Variants in FBXL13 observed in about 807,000 individuals in gnomAD.
FBXL13 encodes the protein F-box and leucine rich repeat protein 13, also known as F-box and leucine-rich repeat protein 13.
A neutral mutation model predicts 83.6 loss-of-function variants in FBXL13; 67 were observed. The ratio of observed to expected loss-of-function variants is 0.80; its 90% confidence interval spans 0.66 to 0.98. The LOEUF (loss-of-function observed/expected upper bound fraction) is 0.98, where lower values mean the gene tolerates loss of function less well. Among genes scored for constraint, FBXL13 ranks in the 50% least tolerant of loss-of-function variants. The probability of loss-of-function intolerance (pLI) is 0.00; values close to 1 mark genes in which losing one functional copy is unlikely to be tolerated. For missense variants in FBXL13, 822 were observed against 866.5 expected (o/e 0.95, Z 0.64); for synonymous variants, 272 against 299.5 (o/e 0.91, Z 0.95).
chr7:103,042,153 A>G (rs1268182394), intron 2 of FBXL13, among the ~76,000 whole-genome samples: 1 of 152,210 alleles, frequency 6.6e-6, no homozygotes, highest in African/African-American at 2.4e-5. Context: ...ATGTGCAAAA[A>G]TCACAAGCAT....
chr7:102,823,310 TC>T (rs1799074055), intron 18 of FBXL13, among the ~76,000 whole-genome samples: 2 of 151,952 alleles, frequency 1.3e-5, no homozygotes, highest in Non-Finnish European at 2.9e-5. Flanking sequence ...AAAATATATA[TC>T]CCCCAAAGTT....
intron 11 of FBXL13, among the ~76,000 whole-genome samples, chr7:102,904,470 T>C (rs925315899): frequency 1.3e-5 from 2 of 151,804 alleles, no homozygotes; most frequent in East Asian, 3.9e-4. Flanking sequence ...GCATGTGCCA[T>C]GTTGGTGTTA....
At chr7:102,969,034 T>C (rs1210696516) in intron 6 of FBXL13, among the ~76,000 whole-genome samples, 1 of 152,236 alleles carries the variant, frequency 6.6e-6, no homozygotes, top group East Asian at 1.9e-4. Context: ...AATTTTTAAA[T>C]AAATTTAGTG....
chr7:102,861,530 A>G (rs2129452851), intron 16 of FBXL13, among the ~76,000 whole-genome samples: 1 of 152,316 alleles, frequency 6.6e-6, no homozygotes, highest in South Asian at 2.1e-4. Context: ...GATGACTACC[A>G]TAGATCTCTT....
intron 8 of FBXL13, among the ~76,000 whole-genome samples, chr7:102,963,194 G>A (rs1226657218): frequency 6.6e-6 from 1 of 151,348 alleles, no homozygotes; most frequent in East Asian, 1.9e-4. Context: ...GGTGGCGCAT[G>A]CCTGTAGTCC....
intron 6 of FBXL13, among the ~76,000 whole-genome samples, chr7:103,018,532 T>C (rs1792675848): frequency 6.6e-6 from 1 of 152,010 alleles, no homozygotes; most frequent in Admixed American, 6.6e-5. Flanking sequence ...GACTGGCAAA[T>C]TGGATAAAGA....
At position 102,944,117 on chromosome 7, in the gene FBXL13, A is replaced by G. The variant is rs976586031; in HGVS notation, c.725-12184T>C. 15 of 948,788 alleles carry G rather than the reference A, an allele frequency of 1.6e-5. No individual in the cohort carries two copies. The African/African-American group carries it at 2.4e-4, about 15-fold the overall frequency. The allele number at this position is 948,788 out of a possible 1,614,324, so 58.8% of individuals were successfully genotyped here. ...TCTTTATTTTCAAAGGGGAAAATTA[A>G]GCCTCTTTTTAAAATTTGTATTTGT... On this transcript the variant is annotated intron_variant, in intron 8 of 19. Transcript: ENST00000313221.
At chr7:102,910,787 C>T (rs1052530771) in intron 11 of FBXL13, among the ~76,000 whole-genome samples, 2 of 152,188 alleles carry the variant, frequency 1.3e-5, no homozygotes, top group African/African-American at 4.8e-5. Flanking sequence ...GAGGCAAGGT[C>T]TCACTCTGTC....
At chr7:102,958,565 AAT>A (rs1563150557) in intron 8 of FBXL13, among the ~76,000 whole-genome samples, 5 of 129,954 alleles carry the variant, frequency 3.8e-5, no homozygotes, top group Middle Eastern at 3.6e-3. Flanking sequence ...TAATAATAAT[AAT>A]AAAACAGAGA....
At chr7:102,986,082 A>G (rs1828920940) in intron 6 of FBXL13, among the ~76,000 whole-genome samples, 1 of 151,386 alleles carries the variant, frequency 6.6e-6, no homozygotes, top group Non-Finnish European at 1.5e-5. Context: ...CTATTGAAAC[A>G]TTCATTTTTG....
At chr7:102,826,750 TATATATATATATATATATATA>T (rs2129446493) in intron 18 of FBXL13, among the ~76,000 whole-genome samples, 1 of 112,690 alleles carries the variant, frequency 8.9e-6, no homozygotes, top group Non-Finnish European at 1.8e-5. Context: ...TATATATATA[TATATATATATATATATATATA>T]TGTATATATA....
At chr7:102,933,173 C>T (rs920347133) in intron 8 of FBXL13, 1 of 151,954 alleles carries the variant, frequency 6.6e-6, no homozygotes, top group Non-Finnish European at 1.5e-5. Flanking sequence ...GAAAAGGTAA[C>T]ATTTGAGCCA....
chr7:103,047,846 C>T (rs1326710894), intron 2 of FBXL13, among the ~76,000 whole-genome samples: 1 of 152,154 alleles, frequency 6.6e-6, no homozygotes, highest in African/African-American at 2.4e-5. Flanking sequence ...AGGCACCCGC[C>T]ACCATGCCTA....
intron 6 of FBXL13, among the ~76,000 whole-genome samples, chr7:102,983,745 C>T (rs1608651): frequency 0.53 from 80,402 of 151,938 alleles, 24,023 homozygotes; most frequent in Non-Finnish European, 0.67. Context: ...TCCCAGTCAA[C>T]GCCTTCACTT....
At chr7:102,939,556 G>A in intron 8 of FBXL13, 1 of 1,613,844 alleles carries the variant, frequency 6.2e-7, no homozygotes, top group Middle Eastern at 1.7e-4. Context: ...TTAAACCTCA[G>A]CAGCAATGGC....
chr7:103,056,821 A>ATT (rs534381339), intron 1 of FBXL13, among the ~76,000 whole-genome samples: 375 of 146,244 alleles, frequency 2.6e-3, no homozygotes, highest in Non-Finnish European at 4.1e-3. Flanking sequence ...GCCAACATCT[A>ATT]TTTTTTTTTT....
rs777532520 is a variant in FBXL13 at position 103,028,699 on chromosome 7, T to C, written c.118A>G (p.Lys40Glu). 34 of 1,602,752 alleles carry C rather than the reference T, an allele frequency of 2.1e-5. No individual in the cohort carries two copies. The highest frequency in any genetic ancestry group is 1.7e-4 in the Middle Eastern group (1 of 6,060). The change falls in exon 4 of 20, where the codon AAA becomes GAA. Residue 40 changes from lysine (K) to glutamate (E), a missense_variant. Physicochemically the swap from Lys to Glu is moderately conservative, Grantham distance 56. Coordinates refer to ENST00000313221, the Ensembl canonical transcript of FBXL13. ...TAGCATGTCACTGCTCTGTTCATTT[T>C]TTCAGCCAGGACGACATTTTCATTT... is the stretch of plus-strand genomic sequence containing the variant.
intron 10 of FBXL13, among the ~76,000 whole-genome samples, chr7:102,918,177 A>G (rs1258378214): frequency 6.6e-6 from 1 of 152,192 alleles, no homozygotes; most frequent in Non-Finnish European, 1.5e-5. Flanking sequence ...GAAACAATGG[A>G]AAATAGAGCA....
At chr7:102,936,155 A>T (rs1456206762) in intron 8 of FBXL13, 2 of 152,102 alleles carry the variant, frequency 1.3e-5, no homozygotes, top group Non-Finnish European at 2.9e-5. Context: ...TCAGTGCCAT[A>T]GGAAAGCAGT....
Sources: allele counts gnomAD v4.1 joint callset (sites outside exome capture counted in the v4.1 genomes callset), GRCh38; gene constraint gnomAD v4.1.1; transcripts MANE v1.5; gene names NCBI Gene and HGNC (gene_info 2026-07-23, HGNC 2026-07-21).